SYT1: variants seen among roughly 807,000 people sequenced by gnomAD.
The protein encoded by SYT1 is synaptotagmin-1.
Under a neutral mutation model 44.8 loss-of-function variants are expected in SYT1, and 8 were observed. The ratio of observed to expected loss-of-function variants is 0.18; its 90% CI spans 0.10 to 0.32. The LOEUF (loss-of-function observed/expected upper bound fraction) is 0.32. SYT1 is among the 10% of genes least tolerant of loss of function. SYT1 has a pLI of 1.00. For synonymous variants in SYT1, 154 were observed against 188.8 expected (o/e 0.82, Z 1.51); for missense variants, 286 against 509.3 (o/e 0.56, Z 4.22).
At chr12:79,341,813 C>T in intron 8 of SYT1, among the ~76,000 whole-genome samples, 1 of 151,740 alleles carries the variant, frequency 6.6e-6, no homozygotes, top group East Asian at 1.9e-4. Flanking sequence ...GGACTATAGG[C>T]ACCCGCCACC....
At chr12:78,912,754 C>A (rs1876413879) in intron 1 of SYT1, among the ~76,000 whole-genome samples, 1 of 151,874 alleles carries the variant, frequency 6.6e-6, no homozygotes, top group South Asian at 2.1e-4. Flanking sequence ...GTTGGTAGGA[C>A]ATCTAAGTGT....
At chr12:78,932,987 C>T (rs968515498) in intron 1 of SYT1, among the ~76,000 whole-genome samples, 1 of 152,126 alleles carries the variant, frequency 6.6e-6, no homozygotes, top group Non-Finnish European at 1.5e-5. Context: ...CACCTTAAGA[C>T]GTCCAAAAGT....
intron 9 of SYT1, among the ~76,000 whole-genome samples, chr12:79,364,722 C>T (rs1466545387): frequency 1.3e-5 from 2 of 152,166 alleles, no homozygotes; most frequent in African/African-American, 4.8e-5. Context: ...TTTCAAACTA[C>T]TGATTTCAGT....
chr12:79,049,883 C>A (rs1874344180), intron 3 of SYT1, among the ~76,000 whole-genome samples: 1 of 151,908 alleles, frequency 6.6e-6, no homozygotes, highest in African/African-American at 2.4e-5. Context: ...ACGCTTAGAG[C>A]ACATTGCATT....
intron 3 of SYT1, among the ~76,000 whole-genome samples, chr12:79,153,055 C>T (rs1870375202): frequency 6.6e-6 from 1 of 151,746 alleles, no homozygotes; most frequent in African/African-American, 2.4e-5. Context: ...GCTATAAGTG[C>T]CTATTTCCCA....
chr12:79,253,207 T>G (rs1011994295), intron 4 of SYT1, among the ~76,000 whole-genome samples: 26 of 152,176 alleles, frequency 1.7e-4, no homozygotes, highest in African/African-American at 4.8e-4. Context: ...TACCGCAGAT[T>G]TTTTTACAAA....
At chr12:79,102,901 G>C (rs572186283) in intron 3 of SYT1, 1 of 151,068 alleles carries the variant, frequency 6.6e-6, no homozygotes, top group South Asian at 2.1e-4. Context: ...TCTCCACTGA[G>C]AAATAATTTG....
At chr12:79,164,185 T>G (rs1871112757) in intron 3 of SYT1, among the ~76,000 whole-genome samples, 1 of 152,126 alleles carries the variant, frequency 6.6e-6, no homozygotes, top group Non-Finnish European at 1.5e-5. Flanking sequence ...TTAAAGGAAG[T>G]AATTAAGAAA....
chr12:79,107,237 C>A (rs1878766926), intron 3 of SYT1, among the ~76,000 whole-genome samples: 2 of 151,772 alleles, frequency 1.3e-5, no homozygotes, highest in South Asian at 4.1e-4. Context: ...TATCCAAGAA[C>A]TTTAGGGCCA....
intron 8 of SYT1, chr12:79,341,394 G>C (rs1882367363): frequency 6.6e-6 from 1 of 152,028 alleles, no homozygotes; most frequent in African/African-American, 2.4e-5. Flanking sequence ...TAGCTTCCAA[G>C]GTCACTCTGA....
chr12:78,948,470 A>G (rs1414330599), intron 1 of SYT1, among the ~76,000 whole-genome samples: 2 of 152,060 alleles, frequency 1.3e-5, no homozygotes, highest in East Asian at 3.8e-4. Flanking sequence ...AGTGATATAC[A>G]TGATACAGAT....
intron 1 of SYT1, among the ~76,000 whole-genome samples, chr12:78,879,776 C>T (rs914435148): frequency 1.3e-5 from 2 of 151,790 alleles, no homozygotes; most frequent in Non-Finnish European, 2.9e-5. Context: ...TTATCTGGCC[C>T]TACGTATTCA....
chr12:79,064,861 T>G (rs1875654637), intron 3 of SYT1, among the ~76,000 whole-genome samples: 1 of 151,032 alleles, frequency 6.6e-6, no homozygotes, highest in Non-Finnish European at 1.5e-5. Context: ...CCTGCTCCAG[T>G]ACTCTGTAGC....
chr12:78,945,781 C>T (rs1878624013), intron 1 of SYT1, among the ~76,000 whole-genome samples: 1 of 152,046 alleles, frequency 6.6e-6, no homozygotes, highest in Admixed American at 6.6e-5. Context: ...ACAATTGTGC[C>T]CGGTCCACCC....
intron 1 of SYT1, among the ~76,000 whole-genome samples, chr12:78,969,538 C>A (rs1283076369): frequency 6.6e-6 from 1 of 152,088 alleles, no homozygotes; most frequent in Non-Finnish European, 1.5e-5. Flanking sequence ...ATAAGGCCAG[C>A]AGAGCCATTA....
chr12:79,054,280 T>C (rs1449108044), intron 3 of SYT1, among the ~76,000 whole-genome samples: 3 of 152,056 alleles, frequency 2.0e-5, no homozygotes, highest in Non-Finnish European at 2.9e-5. Flanking sequence ...AAATACTTAA[T>C]GTGCACACGT....
intron 8 of SYT1, among the ~76,000 whole-genome samples, chr12:79,299,976 G>A (rs1052368280): frequency 5.3e-5 from 8 of 152,070 alleles, no homozygotes; most frequent in African/African-American, 1.9e-4. Context: ...CTTTTTCCTT[G>A]ATTGTTTCTG....
intron 3 of SYT1, among the ~76,000 whole-genome samples, chr12:79,108,076 T>C (rs1462635610): frequency 5.9e-5 from 9 of 151,916 alleles, no homozygotes; most frequent in Admixed American, 5.2e-4. Flanking sequence ...GAAAGACAGC[T>C]ACAATTAAAT....
rs142220776 is a variant in SYT1, at chr12:79,262,921, A to G, written c.167-22866A>G. ...CTCACAAAAAAGATAGAGTACATAG[A>G]AAAGAGAAAACCGAGGCATAAGACA... On this transcript the variant is annotated intron_variant, in intron 4 of 10. Coordinates refer to ENST00000261205, the MANE Select transcript of SYT1 (RefSeq NM_005639.3). Among the ~76,000 whole-genome samples the G allele has an allele frequency of 1.3e-3, 193 of 152,336 alleles. 2 individuals are homozygous for G. The highest frequency in any genetic ancestry group is 4.3e-3 in the African/African-American group (180 of 41,570).
Sources: allele counts gnomAD v4.1 joint callset (sites outside exome capture counted in the v4.1 genomes callset), GRCh38; gene constraint gnomAD v4.1.1; transcripts MANE v1.5; gene names NCBI Gene and HGNC (gene_info 2026-07-23, HGNC 2026-07-21).